Variants in SH3D19 observed in about 807,000 individuals in gnomAD.
The protein encoded by SH3D19 is SH3 domain containing 19.
A neutral mutation model predicts 112.1 loss-of-function variants in SH3D19; 58 were observed. The ratio of observed to expected loss-of-function variants is 0.52; its 90% CI spans 0.42 to 0.64. The LOEUF (loss-of-function observed/expected upper bound fraction) is 0.64. Among genes scored for constraint, SH3D19 ranks in the 30% least tolerant of loss-of-function variants. The pLI, the probability that SH3D19 is intolerant of heterozygous loss-of-function variation, is 0.00. For synonymous variants in SH3D19, 391 were observed against 448.5 expected, an observed-to-expected ratio of 0.87 and a Z score of 1.62; for missense variants, 1,090 against 1,263.4, an observed-to-expected ratio of 0.86 and a Z score of 2.08.
At chr4:151,286,620 C>A (rs1303802751) in intron 1 of SH3D19, among the ~76,000 whole-genome samples, 7 of 147,828 alleles carry the variant, frequency 4.7e-5, no homozygotes, top group African/African-American at 1.5e-4. Context: ...AAAAAAACTA[C>A]GAAGAAATAA....
intron 1 of SH3D19, among the ~76,000 whole-genome samples, chr4:151,286,768 C>T (rs1197084866): frequency 6.6e-6 from 1 of 151,560 alleles, no homozygotes; most frequent in African/African-American, 2.4e-5. Context: ...TCAATTGAGG[C>T]CAGGAGTTCG....
At chr4:151,200,811 G>A (rs1490682766) in intron 2 of SH3D19, among the ~76,000 whole-genome samples, 2 of 152,180 alleles carry the variant, frequency 1.3e-5, no homozygotes, top group East Asian at 1.9e-4. Context: ...ATTGACAAAT[G>A]AATAGAAACT....
intron 2 of SH3D19, among the ~76,000 whole-genome samples, chr4:151,213,395 A>T (rs1007066234): frequency 5.9e-5 from 9 of 152,196 alleles, no homozygotes; most frequent in Admixed American, 4.6e-4. Context: ...CTGTAATCCC[A>T]GGATTTTGGG....
intron 1 of SH3D19, among the ~76,000 whole-genome samples, chr4:151,314,207 G>C (rs1348284329): frequency 6.6e-6 from 1 of 152,200 alleles, no homozygotes; most frequent in Non-Finnish European, 1.5e-5. Flanking sequence ...AAATGCATCA[G>C]AGCAGGGACA....
intron 1 of SH3D19, among the ~76,000 whole-genome samples, chr4:151,241,744 AATAAAGCTGTTACC>A (rs1004222042): frequency 6.6e-6 from 1 of 151,852 alleles, no homozygotes; most frequent in African/African-American, 2.4e-5. Context: ...AATTATATCT[AATAAAGCTGTTACC>A]AAAAAAAGAA....
chr4:151,251,785 T>C (rs918677662), intron 1 of SH3D19, among the ~76,000 whole-genome samples: 1 of 152,202 alleles, frequency 6.6e-6, no homozygotes, highest in Non-Finnish European at 1.5e-5. Context: ...AACACACAAC[T>C]ATGCCAATTT....
In SH3D19 at chr4:151,176,529, A is replaced by G. The variant is rs979972543; in HGVS notation, c.529+5T>C. The G allele has an allele frequency of 2.8e-5, 35 of 1,232,058 alleles. No homozygotes were observed. Among genetic ancestry groups the G allele is most frequent in the Non-Finnish European group, 2.4e-5 (24 of 987,964 alleles). 76.3% of individuals were successfully genotyped at this position (1,232,058 alleles called of 1,614,324 possible). A position where few individuals can be genotyped will look rare whatever the true frequency, so the allele number is the denominator to read the frequency against. ...GAATTAGGGAAGACAAATTACTTGC[A>G]TTACTTTGAGGCAGATCGTTGTCTA... On this transcript the variant is annotated splice_donor_5th_base_variant and intron_variant, in intron 6 of 19. Transcript: ENST00000604030.
At chr4:151,142,334 A>AC (rs980635334) in intron 12 of SH3D19, among the ~76,000 whole-genome samples, 1 of 152,084 alleles carries the variant, frequency 6.6e-6, no homozygotes, top group African/African-American at 2.4e-5. Context: ...AGTGCAGAAC[A>AC]CTTTTATCAC....
At chr4:151,221,560 G>A (rs56224530) in intron 2 of SH3D19, among the ~76,000 whole-genome samples, 412 of 152,274 alleles carry the variant, frequency 2.7e-3, no homozygotes, top group Non-Finnish European at 4.0e-3. Context: ...AATAATAGTC[G>A]TGGGCGAGCT....
chr4:151,151,497 T>C (rs972553820), intron 9 of SH3D19, among the ~76,000 whole-genome samples: 2 of 152,216 alleles, frequency 1.3e-5, no homozygotes, highest in Non-Finnish European at 2.9e-5. Flanking sequence ...CTCACTTTTA[T>C]GATTTTTAAA....
At chr4:151,282,498 T>A in intron 1 of SH3D19, 3 of 1,416,906 alleles carry the variant, frequency 2.1e-6, no homozygotes, top group Non-Finnish European at 2.9e-6. Context: ...ATCCTTACCA[T>A]GGAAAATATT....
intron 8 of SH3D19, among the ~76,000 whole-genome samples, chr4:151,160,990 A>G (rs1039941649): frequency 1.8e-4 from 28 of 152,236 alleles, no homozygotes; most frequent in Non-Finnish European, 2.2e-4. Flanking sequence ...TTAATCATAT[A>G]GAGTATAATA....
intron 1 of SH3D19, among the ~76,000 whole-genome samples, chr4:151,250,987 T>C (rs541366644): frequency 1.7e-4 from 26 of 152,234 alleles, no homozygotes; most frequent in African/African-American, 5.8e-4. Context: ...GACCCCAGAA[T>C]ACTCCTGAGA....
intron 1 of SH3D19, among the ~76,000 whole-genome samples, chr4:151,318,981 T>C (rs921212125): frequency 1.3e-5 from 2 of 152,230 alleles, no homozygotes; most frequent in Middle Eastern, 6.3e-3. Flanking sequence ...CTATTTTATA[T>C]ATCTCTTTGT....
At chr4:151,236,962 A>G (rs1459107476) in intron 1 of SH3D19, among the ~76,000 whole-genome samples, 2 of 152,230 alleles carry the variant, frequency 1.3e-5, no homozygotes, top group Admixed American at 6.5e-5. Context: ...AGATAAGGGA[A>G]TAAAAGCAGG....
chr4:151,287,596 G>A (rs1407285913), intron 1 of SH3D19, among the ~76,000 whole-genome samples: 35 of 152,208 alleles, frequency 2.3e-4, no homozygotes. Flanking sequence ...AATTACAAAT[G>A]GGTATGTGGG....
intron 1 of SH3D19, among the ~76,000 whole-genome samples, chr4:151,296,068 G>T (rs1775692766): frequency 6.6e-6 from 1 of 150,384 alleles, no homozygotes; most frequent in Non-Finnish European, 1.5e-5. Context: ...AAGAAAGAAA[G>T]AAAATCGTTT....
Position 151,133,069 on chromosome 4 carries a change from A to G in SH3D19, c.2654T>C (p.Val885Ala), listed in dbSNP as rs200083226. The change falls in exon 16 of 20, where the codon GTT becomes GCT. Residue 885 changes from valine to alanine, a missense_variant. Transcript: ENST00000604030. ...GIFPLNFVEP[V>A]EDYPTSGANV... ...TGCACCAGAGGTGGGATAATCCTCA[A>G]CAGGCTCCACAAAGTTCAGGGGGAA... 106 of 1,614,020 alleles carry G rather than the reference A, an allele frequency of 6.6e-5. No homozygotes were observed. The highest frequency in any genetic ancestry group is 8.3e-5 in the Non-Finnish European group (98 of 1,179,908).
intron 19 of SH3D19, among the ~76,000 whole-genome samples, chr4:151,125,867 G>A (rs201846389): frequency 1.5e-4 from 14 of 92,078 alleles, no homozygotes; most frequent in South Asian, 3.6e-4. Flanking sequence ...AAAAAAAAAA[G>A]AAAGGAAGGA....
Sources: gnomAD v4.1 joint callset for allele counts (sites outside exome capture counted in the v4.1 genomes callset) on GRCh38, gnomAD v4.1.1 for gene constraint, MANE v1.5 for transcripts, NCBI Gene and HGNC (gene_info 2026-07-23, HGNC 2026-07-21) for gene names.